ADK: variants seen among roughly 807,000 people sequenced by gnomAD.
ADK encodes N6,N6-dimethyladenosine kinase.
Under a neutral mutation model 44.7 loss-of-function variants are expected in ADK, and 24 were observed. The ratio of observed to expected loss-of-function variants is 0.54; its 90% confidence interval spans 0.39 to 0.76. The LOEUF is 0.76. Ranked by LOEUF, ADK falls within the 30% of genes least tolerant of loss-of-function variation. The pLI is 0.00. For missense variants in ADK, 321 were observed against 425.1 expected, an observed-to-expected ratio of 0.76 and a Z score of 2.15; for synonymous variants, 128 against 142.6, an observed-to-expected ratio of 0.90 and a Z score of 0.73.
intron 6 of ADK, among the ~76,000 whole-genome samples, chr10:74,440,882 A>G (rs916029342): frequency 6.6e-6 from 1 of 152,194 alleles, no homozygotes; most frequent in African/African-American, 2.4e-5. Context: ...GCTGCCTACT[A>G]TACGTATCCT....
intron 6 of ADK, among the ~76,000 whole-genome samples, chr10:74,502,845 A>G (rs1847928502): frequency 6.6e-6 from 1 of 152,184 alleles, no homozygotes; most frequent in Non-Finnish European, 1.5e-5. Context: ...TGCTAGCCTC[A>G]GAAAATAGTC....
At chr10:74,528,215 A>C (rs1849135529) in intron 7 of ADK, 1 of 477,766 alleles carries the variant, frequency 2.1e-6, no homozygotes, top group Non-Finnish European at 3.7e-6. Flanking sequence ...GCAAAAATGG[A>C]TAAGTAAAAA....
At chr10:74,415,089 G>A (rs1260326527) in intron 6 of ADK, among the ~76,000 whole-genome samples, 1 of 152,136 alleles carries the variant, frequency 6.6e-6, no homozygotes, top group African/African-American at 2.4e-5. Context: ...TTTGTGTTGT[G>A]GACTTGTGGC....
chr10:74,382,654 AAC>A (rs1166928067), intron 4 of ADK, among the ~76,000 whole-genome samples: 1 of 152,146 alleles, frequency 6.6e-6, no homozygotes, highest in African/African-American at 2.4e-5. Context: ...AAGTTTCAGT[AAC>A]ACAATTTTTT....
intron 1 of ADK, among the ~76,000 whole-genome samples, chr10:74,196,766 A>C (rs1843168935): frequency 6.6e-6 from 1 of 152,186 alleles, no homozygotes; most frequent in Non-Finnish European, 1.5e-5. Flanking sequence ...CCTGTACAAC[A>C]AACCCCCATG....
chr10:74,594,050 G>A (rs1003820892), intron 8 of ADK, among the ~76,000 whole-genome samples: 3 of 152,098 alleles, frequency 2.0e-5, no homozygotes, highest in African/African-American at 7.2e-5. Flanking sequence ...CATGGATGAA[G>A]CTAGAAACTA....
At chr10:74,361,731 T>G (rs1279796895) in intron 4 of ADK, among the ~76,000 whole-genome samples, 3 of 152,234 alleles carry the variant, frequency 2.0e-5, no homozygotes, top group Non-Finnish European at 4.4e-5. Context: ...TTAAAGCATT[T>G]CTTATTGGAC....
chr10:74,443,329 G>T (rs934495652), intron 6 of ADK, among the ~76,000 whole-genome samples: 2 of 152,108 alleles, frequency 1.3e-5, no homozygotes, highest in Non-Finnish European at 2.9e-5. Flanking sequence ...AAAGAAAAAT[G>T]TATTATATCC....
intron 9 of ADK, among the ~76,000 whole-genome samples, chr10:74,602,430 A>G (rs1019058380): frequency 5.3e-5 from 8 of 152,200 alleles, no homozygotes; most frequent in Non-Finnish European, 1.0e-4. Context: ...TTGTGGAGAC[A>G]TTCATTTTAA....
At chr10:74,521,443 C>G (rs756560928) in intron 6 of ADK, among the ~76,000 whole-genome samples, 1 of 152,140 alleles carries the variant, frequency 6.6e-6, no homozygotes, top group Non-Finnish European at 1.5e-5. Context: ...TGTTCTGTAC[C>G]TTAAATTACA....
In ADK at chr10:74,554,394, T is replaced by G. The variant is rs563811338; in HGVS notation, c.726+28968T>G. 3.3e-3 allele frequency among the ~76,000 whole-genome samples: 497 copies of G among 152,236 alleles called. 2 individuals are homozygous for G. Among genetic ancestry groups the G allele is most frequent in the African/African-American group, 0.011 (475 of 41,562 alleles). Reference sequence around the variant, plus strand: ...CCCTTATATATGTAGTCCTAGTAGGTGTATACATATGTATATCATGAATAG... The same window carrying G: ...CCCTTATATATGTAGTCCTAGTAGGGGTATACATATGTATATCATGAATAG... On this transcript the variant is annotated intron_variant, in intron 7 of 10. Transcript: ENST00000539909.
At chr10:74,172,476 G>A (rs1008385653) in intron 1 of ADK, among the ~76,000 whole-genome samples, 3 of 152,060 alleles carry the variant, frequency 2.0e-5, no homozygotes, top group African/African-American at 4.8e-5. Flanking sequence ...ATCACCTGAG[G>A]TTGGGAGTTT....
At chr10:74,252,037 C>CA (rs1845671789) in intron 3 of ADK, among the ~76,000 whole-genome samples, 1 of 151,692 alleles carries the variant, frequency 6.6e-6, no homozygotes, top group African/African-American at 2.4e-5. Context: ...GATATCTGAC[C>CA]AATAACTCAT....
chr10:74,180,125 A>T (rs1362495756), intron 1 of ADK, among the ~76,000 whole-genome samples: 1 of 152,028 alleles, frequency 6.6e-6, no homozygotes, highest in African/African-American at 2.4e-5. Flanking sequence ...AGGATTGGAA[A>T]TCAATGAGGA....
intron 6 of ADK, among the ~76,000 whole-genome samples, chr10:74,405,644 A>T (rs1036550664): frequency 3.3e-5 from 5 of 152,060 alleles, no homozygotes; most frequent in African/African-American, 1.2e-4. Context: ...TATACGTCTT[A>T]TGAGAATCTA....
At chr10:74,430,998 C>T (rs1046784080) in intron 6 of ADK, among the ~76,000 whole-genome samples, 5 of 133,222 alleles carry the variant, frequency 3.8e-5, no homozygotes, top group East Asian at 4.9e-4. Flanking sequence ...GGCTGCCCAT[C>T]GGAGCTTGCA....
intron 6 of ADK, among the ~76,000 whole-genome samples, chr10:74,515,556 G>T (rs866082582): frequency 6.6e-6 from 1 of 152,164 alleles, no homozygotes; most frequent in Non-Finnish European, 1.5e-5. Context: ...CCTGTGGCAC[G>T]GGGGCAGTCT....
intron 2 of ADK, among the ~76,000 whole-genome samples, chr10:74,202,682 T>G (rs1843440840): frequency 6.6e-6 from 1 of 152,246 alleles, no homozygotes; most frequent in Non-Finnish European, 1.5e-5. Flanking sequence ...TGTCTCATTG[T>G]GATTTTGATT....
intron 1 of ADK, among the ~76,000 whole-genome samples, chr10:74,199,121 C>A (rs987723635): frequency 1.3e-5 from 2 of 152,148 alleles, no homozygotes; most frequent in African/African-American, 4.8e-5. Context: ...ATTGTGAAGA[C>A]CCTACCACAG....
Sources: allele counts gnomAD v4.1 joint callset (sites outside exome capture counted in the v4.1 genomes callset), GRCh38; gene constraint gnomAD v4.1.1; transcripts MANE v1.5; gene names NCBI Gene and HGNC (gene_info 2026-07-23, HGNC 2026-07-21).